EIF4G3: variants seen among roughly 807,000 people sequenced by gnomAD.
EIF4G3 encodes the protein eIF-4-gamma 3.
A neutral mutation model predicts 186.4 loss-of-function variants in EIF4G3; 34 were observed. The observed-to-expected ratio is 0.18, with a 90% CI of 0.14 to 0.24. The LOEUF is 0.24. Ranked by LOEUF, EIF4G3 falls within the 10% of genes least tolerant of loss-of-function variation. The pLI, the probability that EIF4G3 is intolerant of heterozygous loss-of-function variation, is 1.00. For missense variants in EIF4G3, 1,536 were observed against 1,948.5 expected, an observed-to-expected ratio of 0.79 and a Z score of 3.99; for synonymous variants, 673 against 679.5, an observed-to-expected ratio of 0.99 and a Z score of 0.15.
intron 19 of EIF4G3, among the ~76,000 whole-genome samples, chr1:20,879,900 T>G (rs1321407201): frequency 6.6e-6 from 1 of 152,062 alleles, no homozygotes; most frequent in Non-Finnish European, 1.5e-5. Flanking sequence ...TTTAGCCACA[T>G]AACTCATTAC....
intron 20 of EIF4G3, among the ~76,000 whole-genome samples, chr1:20,865,561 TAA>T (rs76034895): frequency 7.0e-6 from 1 of 142,870 alleles, no homozygotes. Context: ...AGACCTTATT[TAA>T]AAAAAAAAAA....
chr1:21,100,207 A>G (rs1166450748), intron 2 of EIF4G3, among the ~76,000 whole-genome samples: 1 of 152,026 alleles, frequency 6.6e-6, no homozygotes, highest in Non-Finnish European at 1.5e-5. Context: ...CTGAAGGGAG[A>G]GGTGGGAGGA....
intron 2 of EIF4G3, among the ~76,000 whole-genome samples, chr1:21,130,216 CTTT>C (rs71014159): frequency 5.3e-5 from 4 of 75,348 alleles, no homozygotes; most frequent in Non-Finnish European, 7.2e-5. Context: ...GACCCCATCT[CTTT>C]TTTTTTTTTT....
chr1:21,017,591 G>A (rs2089520993), intron 4 of EIF4G3, among the ~76,000 whole-genome samples: 1 of 125,744 alleles, frequency 8.0e-6, no homozygotes, highest in Non-Finnish European at 1.6e-5. Flanking sequence ...TCGTGCCACT[G>A]CACTCCAGCC....
chr1:20,977,103 C>G (rs576297518), intron 10 of EIF4G3, among the ~76,000 whole-genome samples: 4 of 147,990 alleles, frequency 2.7e-5, no homozygotes, highest in African/African-American at 9.9e-5. Context: ...AAAAAAAATA[C>G]GTATCAAACT....
intron 14 of EIF4G3, among the ~76,000 whole-genome samples, chr1:20,940,211 C>T (rs1432044165): frequency 6.6e-6 from 1 of 152,114 alleles, no homozygotes; most frequent in East Asian, 1.9e-4. Flanking sequence ...GTCATCTCTC[C>T]ACCAAGGAAC....
intron 22 of EIF4G3, 95 bp downstream of exon 22, chr1:20,864,381 T>G (rs902099297): frequency 5.4e-6 from 5 of 927,122 alleles, no homozygotes; most frequent in Non-Finnish European, 8.5e-6. Flanking sequence ...AGCCCAGACC[T>G]TTGGGAAAAG....
chr1:21,114,232 C>T (rs1443141233), intron 2 of EIF4G3, among the ~76,000 whole-genome samples: 5 of 151,964 alleles, frequency 3.3e-5, no homozygotes, highest in Admixed American at 1.3e-4. Context: ...CTGAAACCTC[C>T]GCCTCCCGGG....
chr1:20,885,386 G>A (rs978451027), intron 19 of EIF4G3, among the ~76,000 whole-genome samples: 60 of 152,306 alleles, frequency 3.9e-4, no homozygotes, highest in African/African-American at 1.3e-3. Flanking sequence ...TCATTTTATA[G>A]TTGAGATTAA....
chr1:21,046,060 C>A (rs923014337), intron 4 of EIF4G3, among the ~76,000 whole-genome samples: 1 of 152,202 alleles, frequency 6.6e-6, no homozygotes, highest in Non-Finnish European at 1.5e-5. Context: ...CTTCTCCTGA[C>A]TCCCTAGAGT....
chr1:21,102,241 A>C (rs2096541537), intron 2 of EIF4G3, among the ~76,000 whole-genome samples: 1 of 152,204 alleles, frequency 6.6e-6, no homozygotes, highest in South Asian at 2.1e-4. Flanking sequence ...ACCTGAGGTC[A>C]GGAGTTTGAG....
intron 28 of EIF4G3, among the ~76,000 whole-genome samples, chr1:20,849,974 G>A (rs2072740263): frequency 6.6e-6 from 1 of 152,034 alleles, no homozygotes; most frequent in South Asian, 2.1e-4. Context: ...CTTTCCCTCT[G>A]TTTCACACCC....
chr1:20,921,382 A>G (rs911845095), intron 14 of EIF4G3, among the ~76,000 whole-genome samples: 2 of 152,216 alleles, frequency 1.3e-5, no homozygotes, highest in Admixed American at 6.5e-5. Context: ...CTCAATAGAA[A>G]CCATTAATCT....
chr1:21,026,758 T>C (rs976971205), intron 4 of EIF4G3, among the ~76,000 whole-genome samples: 2 of 151,988 alleles, frequency 1.3e-5, no homozygotes, highest in Admixed American at 1.3e-4. Flanking sequence ...GAGACCAACC[T>C]GACCATCATG....
chr1:20,997,105 A>G (rs1038205521), intron 7 of EIF4G3, among the ~76,000 whole-genome samples: 1 of 152,226 alleles, frequency 6.6e-6, no homozygotes, highest in African/African-American at 2.4e-5. Context: ...AATTCTATCC[A>G]GCAAATGGAT....
intron 2 of EIF4G3, among the ~76,000 whole-genome samples, chr1:21,162,968 T>C (rs911687054): frequency 5.9e-5 from 9 of 152,092 alleles, no homozygotes; most frequent in African/African-American, 2.2e-4. Flanking sequence ...CCTCAGCCTC[T>C]AGAACAAAGG....
chr1:21,009,381 A>G (rs2086284613), intron 4 of EIF4G3, among the ~76,000 whole-genome samples: 1 of 152,188 alleles, frequency 6.6e-6, no homozygotes. Flanking sequence ...GGTCTTGCCA[A>G]TGTTGCCCAG....
chr1:20,979,402 G>T (rs1045687065), intron 10 of EIF4G3, among the ~76,000 whole-genome samples: 1 of 152,138 alleles, frequency 6.6e-6, no homozygotes, highest in African/African-American at 2.4e-5. Context: ...TATTCTCCAA[G>T]TGCCTGCCAG....
At chr1:21,174,187 T>C (rs1389493206) in intron 2 of EIF4G3, among the ~76,000 whole-genome samples, 1 of 152,136 alleles carries the variant, frequency 6.6e-6, no homozygotes, top group Non-Finnish European at 1.5e-5. Flanking sequence ...TAAAATTGGT[T>C]TAAAATTATC....
Sources: allele counts gnomAD v4.1 joint callset (sites outside exome capture counted in the v4.1 genomes callset), GRCh38; gene constraint gnomAD v4.1.1; transcripts MANE v1.5; gene names NCBI Gene and HGNC (gene_info 2026-07-23, HGNC 2026-07-21).